The following FRMD3 variants were observed in gnomAD, a reference collection of about 807,000 sequenced individuals.
FRMD3 encodes the protein FERM domain containing 3.
A neutral mutation model predicts 70.2 loss-of-function variants in FRMD3; 33 were observed. The observed-to-expected ratio is 0.47, with a 90% CI of 0.36 to 0.63. The LOEUF is 0.63. Ranked by LOEUF, FRMD3 falls within the 20% of genes least tolerant of loss-of-function variation. The pLI, the probability that FRMD3 is intolerant of heterozygous loss-of-function variation, is 0.00. For missense variants in FRMD3, 632 were observed against 711.4 expected (o/e 0.89, Z 1.27); for synonymous variants, 279 against 255.9 (o/e 1.09, Z -0.86).
chr9:83,407,904 C>CT (rs1826169653), intron 1 of FRMD3, among the ~76,000 whole-genome samples: 2 of 134,706 alleles, frequency 1.5e-5, no homozygotes, highest in Non-Finnish European at 3.2e-5. Flanking sequence ...CTCTCTCTCT[C>CT]ATCTTTCTCT....
rs1175480479 is a variant in FRMD3 at position 83,479,624 on chromosome 9, A to AAAGGAAGG, written c.147+58453_147+58460dup. On this transcript the variant is annotated intron_variant, in intron 1 of 13. Transcript: ENST00000304195. ...CCTGAGGGATAGCAAGACCCTGAAG[A>AAAGGAAGG]AAGGAAGGAAGGAAGGAAGGAAGGA... Among the ~76,000 whole-genome samples the AAAGGAAGG allele has an allele frequency of 1.1e-3, 66 of 61,466 alleles. 1 individual carries two copies. The highest frequency in any genetic ancestry group is 3.2e-3 in the South Asian group (5 of 1,580). 40.3% of individuals were successfully genotyped at this position (61,466 alleles called of 152,430 possible). A position where few individuals can be genotyped will look rare whatever the true frequency, so the allele number is the denominator to read the frequency against.
At chr9:83,464,221 G>A (rs1828055103) in intron 1 of FRMD3, among the ~76,000 whole-genome samples, 1 of 152,078 alleles carries the variant, frequency 6.6e-6, no homozygotes, top group East Asian at 1.9e-4. Flanking sequence ...TCTTTATCTG[G>A]GCTGGCAAAG....
chr9:83,306,480 T>C (rs1835140978), intron 10 of FRMD3, among the ~76,000 whole-genome samples: 2 of 152,202 alleles, frequency 1.3e-5, no homozygotes, highest in Admixed American at 1.3e-4. Context: ...TCCACATTCC[T>C]GCCATGGTAC....
chr9:83,404,076 A>G (rs920724211), intron 1 of FRMD3, among the ~76,000 whole-genome samples: 4 of 151,494 alleles, frequency 2.6e-5, no homozygotes, highest in Non-Finnish European at 4.4e-5. Context: ...ACGCACACAC[A>G]CACACACACA....
At chr9:83,342,688 TA>T (rs1823804720) in intron 5 of FRMD3, among the ~76,000 whole-genome samples, 1 of 138,242 alleles carries the variant, frequency 7.2e-6, no homozygotes, top group African/African-American at 2.7e-5. Flanking sequence ...GATGGATGGA[TA>T]GATTAGATAG....
Position 83,246,747 on chromosome 9 carries a change from G to A in FRMD3, c.*1171C>T. ...TACAGAATCACAACAAATGGCATGAGGGATCAAAATATTTACCTTAAAGTT... is the reference window on the plus strand; with the variant it reads ...TACAGAATCACAACAAATGGCATGAAGGATCAAAATATTTACCTTAAAGTT... On this transcript the variant is annotated 3_prime_UTR_variant, in exon 14 of 14. Transcript: ENST00000304195. The A allele has an allele frequency of 9.1e-6, 9 of 985,016 alleles. No homozygotes were observed. Among genetic ancestry groups the A allele is most frequent in the Non-Finnish European group, 9.6e-6 (8 of 829,874 alleles). 61.0% of individuals were successfully genotyped at this position (985,016 alleles called of 1,614,324 possible).
rs747810010 is a variant in FRMD3, at chr9:83,335,650, T to C, written c.473-11A>G. 1.9e-6 allele frequency: 3 copies of C among 1,606,206 alleles called. No individual in the cohort carries two copies. The highest frequency in any genetic ancestry group is 4.5e-5 in the East Asian group (2 of 44,760). The stretch of plus-strand genomic sequence containing the variant: ...AATCACCAAGCTCAGCTGTAATGAG[T>C]GAAAAAATAAAGAGACAGAGAAAGA... On this transcript the variant is annotated splice_polypyrimidine_tract_variant and intron_variant, in intron 5 of 13. Coordinates refer to ENST00000304195, the MANE Select transcript of FRMD3 (RefSeq NM_174938.6).
intron 13 of FRMD3, among the ~76,000 whole-genome samples, chr9:83,273,610 A>G (rs1483346598): frequency 1.2e-5 from 1 of 85,996 alleles, no homozygotes; most frequent in Non-Finnish European, 2.3e-5. Flanking sequence ...AATAAATACT[A>G]AAAAAAAAAA....
chr9:83,551,788 G>T, the FRMD3 span, among the ~76,000 whole-genome samples: 3 of 151,996 alleles, frequency 2.0e-5, no homozygotes, highest in East Asian at 5.8e-4. Context: ...GTTTCTGAGG[G>T]TTGTTTTTAT....
intron 1 of FRMD3, among the ~76,000 whole-genome samples, chr9:83,434,605 A>G (rs917711307): frequency 3.3e-5 from 5 of 152,192 alleles, no homozygotes; most frequent in Non-Finnish European, 7.3e-5. Context: ...TTTTAAAAGC[A>G]AACTAGCTCA....
At chr9:83,502,883 A>AG (rs545359780) in intron 1 of FRMD3, among the ~76,000 whole-genome samples, 34 of 152,308 alleles carry the variant, frequency 2.2e-4, no homozygotes, top group Non-Finnish European at 4.0e-4. Context: ...CCAGTGCACC[A>AG]TGTGGCTTCA....
chr9:83,477,427 C>G (rs1828427561), intron 1 of FRMD3, among the ~76,000 whole-genome samples: 1 of 152,142 alleles, frequency 6.6e-6, no homozygotes, highest in Non-Finnish European at 1.5e-5. Flanking sequence ...ACCTGGAGAG[C>G]TTTAGAAAAT....
intron 5 of FRMD3, among the ~76,000 whole-genome samples, chr9:83,338,496 A>G (rs1823651184): frequency 6.6e-6 from 1 of 152,196 alleles, no homozygotes; most frequent in African/African-American, 2.4e-5. Flanking sequence ...TGGGACAGCT[A>G]GATAAGTAAA....
At chr9:83,424,545 A>G (rs1316399933) in intron 1 of FRMD3, among the ~76,000 whole-genome samples, 1 of 152,252 alleles carries the variant, frequency 6.6e-6, no homozygotes, top group Non-Finnish European at 1.5e-5. Flanking sequence ...AGGCATGTGC[A>G]AAAATTCAAT....
the FRMD3 span, among the ~76,000 whole-genome samples, chr9:83,584,454 C>A: frequency 6.6e-6 from 1 of 152,084 alleles, no homozygotes; most frequent in South Asian, 2.1e-4. Context: ...ATCCAATCAG[C>A]CTCCTTCCTA....
At position 83,472,767 on chromosome 9, in the gene FRMD3, C is replaced by T. The variant is rs1025908526; in HGVS notation, c.147+65318G>A. On this transcript the variant is annotated intron_variant, in intron 1 of 13. Coordinates refer to ENST00000304195, the MANE Select transcript of FRMD3 (RefSeq NM_174938.6). ...GTGCCATGAGAGTTGACTCTGCCAC[C>T]GATGAGAAGAAAGGATTTGGGGTTA... is the stretch of plus-strand genomic sequence containing the variant. Among the ~76,000 whole-genome samples, 11 of 151,924 alleles carry T rather than the reference C, an allele frequency of 7.2e-5. No individual in the cohort carries two copies. In the South Asian group the frequency reaches 1.5e-3, roughly 20 times the overall value.
chr9:83,356,940 C>T (rs1410936939), intron 3 of FRMD3, among the ~76,000 whole-genome samples: 2 of 151,476 alleles, frequency 1.3e-5, no homozygotes, highest in South Asian at 2.1e-4. Context: ...CATTTTTATG[C>T]CTTGTAGCTT....
intron 1 of FRMD3, among the ~76,000 whole-genome samples, chr9:83,492,988 G>A (rs1191702844): frequency 1.3e-5 from 2 of 151,986 alleles, no homozygotes; most frequent in South Asian, 2.1e-4. Flanking sequence ...AATACCAGTC[G>A]CCACTCTTGC....
chr9:83,309,685 GTT>G (rs5898823), intron 9 of FRMD3, 61 bp from the exon 10 acceptor site: 80 of 874,476 alleles, frequency 9.1e-5, no homozygotes, highest in Non-Finnish European at 1.3e-4. Flanking sequence ...TTTTCCATGG[GTT>G]TTTTTTTTTC....
Sources: allele counts gnomAD v4.1 joint callset (sites outside exome capture counted in the v4.1 genomes callset), GRCh38; gene constraint gnomAD v4.1.1; transcripts MANE v1.5; gene names NCBI Gene and HGNC (gene_info 2026-07-23, HGNC 2026-07-21).